The following BTK variants were observed in gnomAD, a reference collection of about 807,000 sequenced individuals.
BTK encodes tyrosine-protein kinase BTK.
Under a neutral mutation model 57.4 loss-of-function variants are expected in BTK, and 5 were observed. That is an observed-to-expected ratio of 0.09 (90% CI 0.05 to 0.18). The LOEUF is 0.18. BTK is among the 10% of genes least tolerant of loss of function. BTK has a pLI of 1.00. For synonymous variants in BTK, 154 were observed against 174.3 expected (o/e 0.88, Z 0.92); for missense variants, 194 against 501.2 (o/e 0.39, Z 5.85).
At chrX:101,351,249 C>T (rs1367786721) in intron 18 of BTK, among the ~76,000 whole-genome samples, 2 of 112,302 alleles carry the variant, frequency 1.8e-5, no homozygotes, top group Non-Finnish European at 3.8e-5. Context: ...TTGCCTTGGC[C>T]TCCCAAACTG....
At chrX:101,380,654 T>C (rs1462049366) in intron 1 of BTK, among the ~76,000 whole-genome samples, 1 of 111,045 alleles carries the variant, frequency 9.0e-6, no homozygotes, top group Non-Finnish European at 1.9e-5. Flanking sequence ...CCTAGGTATG[T>C]TTTCATATTA....
chrX:101,374,689 C>A (rs1273784950), intron 2 of BTK, 55 bp from the exon 3 acceptor site: 4 of 1,005,347 alleles, frequency 4.0e-6, no homozygotes, highest in Non-Finnish European at 5.6e-6. Context: ...ATTAAGCAAC[C>A]AGATGATTAG....
At chrX:101,383,000 A>G (rs1383603414) in intron 1 of BTK, among the ~76,000 whole-genome samples, 1 of 111,468 alleles carries the variant, frequency 9.0e-6, no homozygotes, top group Non-Finnish European at 1.9e-5. Flanking sequence ...CCCCCATCTC[A>G]AAATAAAACA....
chrX:101,365,681 G>A (rs1402697039), intron 5 of BTK, among the ~76,000 whole-genome samples: 1 of 112,593 alleles, frequency 8.9e-6, no homozygotes, highest in Non-Finnish European at 1.9e-5. Flanking sequence ...AGGCATACAT[G>A]AATCATTCCT....
intron 15 of BTK, 107 bp downstream of exon 15, chrX:101,355,945 T>C (rs1926464229): frequency 1.2e-6 from 1 of 835,268 alleles, no homozygotes; most frequent in Admixed American, 2.2e-5. Context: ...TAGATAAAAT[T>C]GAAATGATGG....
intron 5 of BTK, among the ~76,000 whole-genome samples, chrX:101,366,742 G>GAA (rs34371760): frequency 1.8e-5 from 2 of 109,880 alleles, no homozygotes; most frequent in Non-Finnish European, 3.8e-5. Context: ...GAACTACTGG[G>GAA]AAAAAAAATG....
At chrX:101,365,696 A>G (rs1926829538) in intron 5 of BTK, among the ~76,000 whole-genome samples, 1 of 112,508 alleles carries the variant, frequency 8.9e-6, no homozygotes, top group African/African-American at 3.2e-5. Flanking sequence ...ATTCCTTTCC[A>G]TACTGTTTGT....
intron 2 of BTK, 132 bp downstream of exon 2, chrX:101,375,012 C>T (rs781870680): frequency 1.3e-6 from 1 of 792,782 alleles, no homozygotes; most frequent in African/African-American, 2.1e-5. Context: ...AAATATTTTG[C>T]TGAATTTGAA....
chrX:101,359,318 T>A lies in BTK; in HGVS notation c.869A>T (p.Gln290Leu). The change falls in exon 10 of 19, where the codon CAG (glutamine) becomes CTG (leucine). Residue 290 changes from glutamine to leucine, a missense_variant. Around this residue, in one of 3 missense-constraint regions of BTK, gnomAD observed 115 missense variants for 258.3 expected, o/e 0.45. Coordinates refer to ENST00000308731, the MANE Select transcript of BTK (RefSeq NM_000061.3). ...CTCTTGCTTTAGCAGTTGCTCAGCC[T>A]GACTCCGAGTCATGTGTTTGGAATA... ...EWYSKHMTRS[Q>L]AEQLLKQEGK... The A allele has an allele frequency of 2.5e-6, 3 of 1,211,395 alleles. No homozygotes were observed. The highest frequency in any genetic ancestry group is 3.4e-6 in the Non-Finnish European group (3 of 895,367).
At chrX:101,375,415 G>GCA in intron 1 of BTK, 101 bp from the exon 2 acceptor site, 1 of 828,835 alleles carries the variant, frequency 1.2e-6, no homozygotes, top group South Asian at 2.1e-5. Context: ...ACAAAAATGT[G>GCA]CACAGCTCAC....
At chrX:101,352,785 G>C (rs1926331647) in intron 18 of BTK, among the ~76,000 whole-genome samples, 1 of 110,468 alleles carries the variant, frequency 9.1e-6, no homozygotes, top group Non-Finnish European at 1.9e-5. Flanking sequence ...TGTAGTCCCA[G>C]CTACTCGGGA....
chrX:101,372,596 G>C (rs782432210), intron 3 of BTK, among the ~76,000 whole-genome samples: 240 of 108,238 alleles, frequency 2.2e-3, no homozygotes, highest in Non-Finnish European at 2.5e-3. Context: ...TTACAGGCTC[G>C]CGCCACCATG....
intron 15 of BTK, chrX:101,355,673 C>T (rs999158125): frequency 1.6e-4 from 33 of 212,177 alleles, no homozygotes; most frequent in Admixed American, 1.2e-3. Flanking sequence ...GGGCCAAATG[C>T]ATCCACAGGC....
At chrX:101,356,375 G>A (rs1207386764) in intron 14 of BTK, 107 bp from the exon 15 acceptor site, 14 of 631,685 alleles carry the variant, frequency 2.2e-5, no homozygotes, top group Non-Finnish European at 3.5e-5. Flanking sequence ...CAGATAAGGG[G>A]TCACACCAGC....
chrX:101,356,196 A>C lies in BTK; in HGVS notation c.1422T>G (p.Thr474=). The change falls in exon 15 of 19, where the codon ACT becomes ACG. Residue 474 remains threonine, a synonymous_variant. Coordinates refer to ENST00000308731, the MANE Select transcript of BTK (RefSeq NM_000061.3). ...CTKQRPIFII[T]EYMANGCLLN... is the part of the protein sequence containing the mutation. The stretch of plus-strand genomic sequence containing the variant: ...GGAGGCAGCCATTGGCCATGTACTC[A>C]GTGATGATGAAGATGGGGCGCTGCT... 8.3e-7 allele frequency: 1 copy of C among 1,211,887 alleles called. No individual in the cohort carries two copies. The highest frequency in any genetic ancestry group is 1.1e-6 in the Non-Finnish European group (1 of 895,521).
chrX:101,375,658 A>G (rs916189072), intron 1 of BTK, among the ~76,000 whole-genome samples: 1 of 112,492 alleles, frequency 8.9e-6, no homozygotes, highest in Non-Finnish European at 1.9e-5. Context: ...TATGTGTAGA[A>G]TCTGTGAAAA....
chrX:101,371,868 C>T (rs1365884117), intron 3 of BTK, among the ~76,000 whole-genome samples, 167 bp from the exon 4 acceptor site: 1 of 111,885 alleles, frequency 8.9e-6, no homozygotes, highest in African/African-American at 3.2e-5. Context: ...ATATCCAATA[C>T]GACCCAACAC....
intron 7 of BTK, 127 bp downstream of exon 7, chrX:101,362,046 C>G (rs1984726437): frequency 1.0e-5 from 7 of 692,309 alleles, no homozygotes; most frequent in Middle Eastern, 6.7e-4. Flanking sequence ...GAACAAATCC[C>G]CCATCTTAGC....
intron 1 of BTK, among the ~76,000 whole-genome samples, chrX:101,377,691 C>T (rs1927255793): frequency 9.0e-6 from 1 of 111,236 alleles, no homozygotes; most frequent in South Asian, 3.9e-4. Flanking sequence ...AGGAAGTCTT[C>T]CTCTCTCTCA....
Sources: gnomAD v4.1 joint callset for allele counts (sites outside exome capture counted in the v4.1 genomes callset) on GRCh38, gnomAD v4.1.1 for gene constraint, gnomAD v4.1.1 regional missense constraint, MANE v1.5 for transcripts, NCBI Gene and HGNC (gene_info 2026-07-23, HGNC 2026-07-21) for gene names.